Variants in BLNK observed in about 807,000 individuals in gnomAD.
The protein encoded by BLNK is B cell linker.
Under a neutral mutation model 73.5 loss-of-function variants are expected in BLNK, and 29 were observed. That is an observed-to-expected ratio of 0.39 (90% CI 0.29 to 0.54). The LOEUF (loss-of-function observed/expected upper bound fraction) is 0.54. BLNK is among the 20% of genes least tolerant of loss of function. BLNK has a pLI of 0.61. For synonymous variants in BLNK, 176 were observed against 200.8 expected (o/e 0.88, Z 1.04); for missense variants, 460 against 562.8 (o/e 0.82, Z 1.85).
At position 96,216,698 on chromosome 10, in the gene BLNK, T is replaced by C; in HGVS notation, c.562A>G (p.Asn188Asp). The C allele has an allele frequency of 6.2e-7, 1 of 1,614,086 alleles. No individual in the cohort carries two copies. ...CTGCTTTCTGTGGGATGAATATAGT[T>C]TTCATCATTATCTTCCACGGGGACC... ...YVVPVEDNDE[N>D]YIHPTESSSP... The change falls in exon 7 of 17, where the codon AAC becomes GAC. Residue 188 changes from asparagine (N) to aspartate (D), a missense_variant. Physicochemically the swap from Asn to Asp is conservative, Grantham distance 23. Around this residue, in one of 3 missense-constraint regions of BLNK, gnomAD observed 233 missense variants for 232.1 expected, o/e 1.00. Transcript: ENST00000224337.
Position 96,266,206 on chromosome 10 carries a change from C to G in BLNK, c.47+5146G>C, listed in dbSNP as rs140904444. ...CACCTGTAGGGAGAAAACAAGAGAT[C>G]GTCTGTAAATACATGCCTGAAGAGT... On this transcript the variant is annotated intron_variant, in intron 1 of 16. Coordinates refer to ENST00000224337, the MANE Select transcript of BLNK (RefSeq NM_013314.4). Among the ~76,000 whole-genome samples, 17 of 152,244 alleles carry G rather than the reference C, an allele frequency of 1.1e-4. No individual in the cohort carries two copies. The East Asian group carries it at 2.5e-3, about 22-fold the overall frequency.
At chr10:96,205,878 G>A (rs782187822) in intron 11 of BLNK, among the ~76,000 whole-genome samples, 48 of 152,294 alleles carry the variant, frequency 3.2e-4, no homozygotes, top group African/African-American at 1.2e-3. Context: ...TAGCCATGAA[G>A]TCTGCACAGG....
At position 96,196,931 on chromosome 10, in the gene BLNK, C is replaced by T. The variant is rs2083481807; in HGVS notation, c.1228G>A (p.Gly410Ser). The change falls in exon 16 of 17, where the codon GGC becomes AGC. Residue 410 changes from glycine to serine, a missense_variant. Physicochemically the swap from Gly to Ser is moderately conservative, Grantham distance 56. Around this residue, in one of 3 missense-constraint regions of BLNK, gnomAD observed 88 missense variants for 143.4 expected, o/e 0.61. Coordinates refer to ENST00000224337, the MANE Select transcript of BLNK (RefSeq NM_013314.4). ...ACCTCTTCACCATTTTTCTTTCTGCCCAAGGCATATTGTTTTGTTGCTTCA... is the reference window on the plus strand; with the variant it reads ...ACCTCTTCACCATTTTTCTTTCTGCTCAAGGCATATTGTTTTGTTGCTTCA... Reference protein sequence around the residue: ...FIEATKQYALGRKKNGEEYFG... With the variant: ...FIEATKQYALSRKKNGEEYFG... 2 of 1,613,156 alleles carry T rather than the reference C, an allele frequency of 1.2e-6. No individual in the cohort carries two copies. The highest frequency in any genetic ancestry group is 1.7e-6 in the Non-Finnish European group (2 of 1,179,728).
At chr10:96,239,801 G>A (rs4917728) in intron 3 of BLNK, among the ~76,000 whole-genome samples, 85,211 of 151,904 alleles carry the variant, frequency 0.56, 26,588 homozygotes, top group South Asian at 0.72. Context: ...CGCAGAAATA[G>A]AGGGAAAGGA....
chr10:96,197,183 C>T (rs2133932475), intron 15 of BLNK, 120 bp from the exon 16 acceptor site: 2 of 742,906 alleles, frequency 2.7e-6, no homozygotes, highest in South Asian at 2.0e-5. Context: ...TATTTAGCTA[C>T]ATTATTTTTA....
intron 1 of BLNK, among the ~76,000 whole-genome samples, chr10:96,268,126 A>G (rs1321123786): frequency 6.6e-6 from 1 of 152,244 alleles, no homozygotes; most frequent in Non-Finnish European, 1.5e-5. Context: ...CTTGTGTCAA[A>G]GACCTTTTCT....
intron 2 of BLNK, among the ~76,000 whole-genome samples, chr10:96,244,051 A>G (rs2134084392): frequency 6.6e-6 from 1 of 152,338 alleles, no homozygotes; most frequent in Non-Finnish European, 1.5e-5. Flanking sequence ...ACAATTTACA[A>G]ACCAAAATTG....
At position 96,226,858 on chromosome 10, in the gene BLNK, A is replaced by C. The variant is rs113559569; in HGVS notation, c.361+552T>G. Among the ~76,000 whole-genome samples, 820 of 151,952 alleles carry C rather than the reference A, an allele frequency of 5.4e-3. 7 individuals carry two copies. Among genetic ancestry groups the C allele is most frequent in the African/African-American group, 0.015 (630 of 41,456 alleles). ...CGCAAAAAAACAAAACAAAACAAAA[A>C]AAAAAACAGACCCAAGCTGTGTCCA... On this transcript the variant is annotated intron_variant, in intron 5 of 16. Transcript: ENST00000224337.
chr10:96,254,607 T>G lies in BLNK; in HGVS notation c.48-7558A>C, dbSNP rs567406332. Reference sequence around the variant, plus strand: ...CTCACTGCAACCTCCGCCTCCCAGGTTCAAGTGATTCTCCTACCTCAGCCT... The same window carrying G: ...CTCACTGCAACCTCCGCCTCCCAGGGTCAAGTGATTCTCCTACCTCAGCCT... On this transcript the variant is annotated intron_variant, in intron 1 of 16. Transcript: ENST00000224337. 4.4e-4 allele frequency among the ~76,000 whole-genome samples: 67 copies of G among 152,152 alleles called. 1 individual carries two copies. The highest frequency in any genetic ancestry group is 1.4e-3 in the African/African-American group (59 of 41,502).
chr10:96,191,781 G>A lies in BLNK; in HGVS notation c.*192C>T. The A allele has an allele frequency of 1.5e-6, 1 of 646,798 alleles. No homozygotes were observed. Among genetic ancestry groups the A allele is most frequent in the East Asian group, 2.8e-5 (1 of 35,438 alleles). The allele number at this position is 646,798 out of a possible 1,614,324, so 40.1% of individuals were successfully genotyped here. A position where few individuals can be genotyped will look rare whatever the true frequency, so the allele number is the denominator to read the frequency against. ...CTCACCAGATATTAACAGTTCATCA[G>A]GTCAGGCAATAGAACAAGTCCACAT... On this transcript the variant is annotated 3_prime_UTR_variant, in exon 17 of 17. Transcript: ENST00000224337.
intron 13 of BLNK, 105 bp from the exon 14 acceptor site, chr10:96,201,163 C>A: frequency 4.4e-5 from 44 of 1,007,922 alleles, no homozygotes; most frequent in Middle Eastern, 4.4e-4. Context: ...ACACATCCAC[C>A]AAAAAAAATC....
intron 5 of BLNK, among the ~76,000 whole-genome samples, chr10:96,225,549 G>A (rs1244491218): frequency 6.6e-6 from 1 of 151,966 alleles, no homozygotes; most frequent in African/African-American, 2.4e-5. Flanking sequence ...AGCTCCTGGA[G>A]TTTACTCAGA....
chr10:96,204,689 G>A, intron 11 of BLNK, 73 bp from the exon 12 acceptor site: 1 of 1,476,910 alleles, frequency 6.8e-7, no homozygotes, highest in Non-Finnish European at 9.4e-7. Context: ...AGCAACATCA[G>A]CTGAGAAGAA....
At chr10:96,225,424 G>A (rs587694098) in intron 5 of BLNK, among the ~76,000 whole-genome samples, 1 of 152,268 alleles carries the variant, frequency 6.6e-6, no homozygotes, top group East Asian at 1.9e-4. Flanking sequence ...TTGAAGGTAT[G>A]TGGTTAACTT....
intron 15 of BLNK, chr10:96,199,550 G>A (rs782235928): frequency 4.4e-6 from 2 of 459,156 alleles, no homozygotes; most frequent in South Asian, 3.1e-5. Flanking sequence ...GAGATGAAAG[G>A]ACAAGTAGAA....
intron 3 of BLNK, among the ~76,000 whole-genome samples, chr10:96,232,959 C>T (rs587638081): frequency 1.3e-5 from 2 of 152,180 alleles, no homozygotes; most frequent in Admixed American, 6.5e-5. Context: ...GCACGTGCCA[C>T]CATGCCCAGC....
At chr10:96,266,984 G>T (rs1844032781) in intron 1 of BLNK, among the ~76,000 whole-genome samples, 2 of 152,232 alleles carry the variant, frequency 1.3e-5, no homozygotes, top group South Asian at 4.1e-4. Context: ...TCGTTTGGCA[G>T]CTGGGAAAAC....
At chr10:96,234,197 G>A (rs1554904676) in intron 3 of BLNK, among the ~76,000 whole-genome samples, 1 of 152,176 alleles carries the variant, frequency 6.6e-6, no homozygotes, top group African/African-American at 2.4e-5. Context: ...TTGGTGAAAC[G>A]AGAATGACCC....
At chr10:96,225,448 T>A (rs1221649722) in intron 5 of BLNK, among the ~76,000 whole-genome samples, 1 of 152,188 alleles carries the variant, frequency 6.6e-6, no homozygotes, top group Admixed American at 6.5e-5. Flanking sequence ...CTCCGCTGCC[T>A]CCTCAGAAGC....
Sources: allele counts gnomAD v4.1 joint callset (sites outside exome capture counted in the v4.1 genomes callset), GRCh38; gene constraint gnomAD v4.1.1; regional missense constraint gnomAD v4.1.1; transcripts MANE v1.5; gene names NCBI Gene and HGNC (gene_info 2026-07-23, HGNC 2026-07-21).